The following NCAPG2 variants were observed in gnomAD, a reference collection of about 807,000 sequenced individuals.
The protein encoded by NCAPG2 is condensin-2 complex subunit G2.
NCAPG2 carries 53 observed loss-of-function variants against 141.1 expected under a neutral mutation model. The observed-to-expected ratio is 0.38, with a 90% confidence interval of 0.30 to 0.47. NCAPG2 has a LOEUF of 0.47. Among genes scored for constraint, NCAPG2 ranks in the 20% least tolerant of loss-of-function variants. The probability of loss-of-function intolerance (pLI) is 0.99; values close to 1 mark genes in which losing one functional copy is unlikely to be tolerated. For synonymous variants in NCAPG2, 499 were observed against 490.7 expected (o/e 1.02, Z -0.22); for missense variants, 1,087 against 1,389.0 (o/e 0.78, Z 3.46).
At chr7:158,664,162 G>C (rs374166218) in intron 15 of NCAPG2, 22 bp downstream of exon 15, 1 of 1,547,298 alleles carries the variant, frequency 6.5e-7, no homozygotes. Context: ...CTATCTGCCC[G>C]GCCTGGCCCT....
At chr7:158,637,276 G>A (rs1830286644) in intron 27 of NCAPG2, among the ~76,000 whole-genome samples, 2 of 152,124 alleles carry the variant, frequency 1.3e-5, no homozygotes, top group African/African-American at 4.8e-5. Context: ...CTAGCATAGT[G>A]GACACTCAAT....
chr7:158,653,180 G>T (rs1831611560), intron 22 of NCAPG2, among the ~76,000 whole-genome samples: 1 of 151,924 alleles, frequency 6.6e-6, no homozygotes, highest in Admixed American at 6.6e-5. Flanking sequence ...GGCCAAGACA[G>T]TGAAACCTCA....
intron 12 of NCAPG2, among the ~76,000 whole-genome samples, chr7:158,673,879 A>C (rs1336350639): frequency 1.3e-5 from 2 of 152,238 alleles, no homozygotes; most frequent in Non-Finnish European, 2.9e-5. Context: ...CCAGAGGGAC[A>C]AGGGAATGGT....
chr7:158,663,497 G>A (rs1832693092), intron 15 of NCAPG2, among the ~76,000 whole-genome samples: 1 of 152,194 alleles, frequency 6.6e-6, no homozygotes, highest in Non-Finnish European at 1.5e-5. Context: ...AGCACCATGG[G>A]GCATGAGCAG....
chr7:158,640,527 T>C (rs1264891838), intron 27 of NCAPG2: 2 of 152,178 alleles, frequency 1.3e-5, no homozygotes, highest in Admixed American at 1.3e-4. Flanking sequence ...AGCAAGACTC[T>C]GTCTCAAAAA....
chr7:158,638,420 T>C (rs533118006), intron 27 of NCAPG2, among the ~76,000 whole-genome samples: 1 of 152,174 alleles, frequency 6.6e-6, no homozygotes, highest in African/African-American at 2.4e-5. Context: ...TTGTATTTTT[T>C]GTAGAGATGA....
chr7:158,690,003 CAT>C (rs1835023012), intron 5 of NCAPG2, 50 bp from the exon 6 acceptor site: 1 of 1,365,012 alleles, frequency 7.3e-7, no homozygotes, highest in African/African-American at 1.5e-5. Flanking sequence ...ACAGTAAAGT[CAT>C]ATTTCAAATC....
intron 13 of NCAPG2, among the ~76,000 whole-genome samples, chr7:158,667,871 C>CG (rs1276282236): frequency 3.1e-4 from 6 of 19,278 alleles, no homozygotes; most frequent in Non-Finnish European, 2.2e-4. Context: ...CTCCGCCCTC[C>CG]TTACCCACTA....
chr7:158,644,444 A>G (rs1830856478), intron 26 of NCAPG2, 56 bp from the exon 27 acceptor site: 1 of 1,438,612 alleles, frequency 7.0e-7, no homozygotes, highest in African/African-American at 1.4e-5. Flanking sequence ...CACAAAGACA[A>G]ACACTCTGGT....
chr7:158,674,664 C>T lies in NCAPG2; in HGVS notation c.1326+813G>A, dbSNP rs567284813. On this transcript the variant is annotated intron_variant, in intron 12 of 27. Transcript: ENST00000356309. The stretch of plus-strand genomic sequence containing the variant: ...GGGGAGGAAGATCCACAGAAGCTCC[C>T]ACTAGGGCATGGCCGTGAGGCCCAA... Among the ~76,000 whole-genome samples the T allele has an allele frequency of 2.2e-3, 332 of 152,338 alleles. 4 individuals carry two copies. Among genetic ancestry groups the T allele is most frequent in the Non-Finnish European group, 5.3e-4 (36 of 68,038 alleles).
chr7:158,701,891 T>C lies in NCAPG2; in HGVS notation c.9A>G (p.Lys3=). The change falls in exon 2 of 28, where the codon AAA becomes AAG. Residue 3 remains lysine, a synonymous_variant. Coordinates refer to ENST00000356309, the MANE Select transcript of NCAPG2 (RefSeq NM_017760.7). ...ACACGGCTTGTACAAACGTCTCACG[T>C]TTTTCCATGACAGATGGCACTGTTC... The part of the protein sequence containing the change: ME[K]RETFVQAVSK... 9 of 1,612,828 alleles carry C rather than the reference T, an allele frequency of 5.6e-6. No individual in the cohort carries two copies. The highest frequency in any genetic ancestry group is 6.8e-6 in the Non-Finnish European group (8 of 1,179,600).
chr7:158,663,677 G>A (rs551755983), intron 15 of NCAPG2, among the ~76,000 whole-genome samples: 59 of 152,294 alleles, frequency 3.9e-4, no homozygotes, highest in Non-Finnish European at 7.2e-4. Context: ...TAATGTAGTG[G>A]GCATTGCAAA....
At chr7:158,676,886 C>T (rs902277794) in intron 11 of NCAPG2, among the ~76,000 whole-genome samples, 1 of 152,042 alleles carries the variant, frequency 6.6e-6, no homozygotes, top group Non-Finnish European at 1.5e-5. Flanking sequence ...TGAGAAATTT[C>T]TGTAAGAGAG....
At chr7:158,670,831 G>A (rs980535078) in intron 13 of NCAPG2, among the ~76,000 whole-genome samples, 6 of 152,062 alleles carry the variant, frequency 3.9e-5, no homozygotes, top group South Asian at 2.1e-4. Context: ...ACACTCTGGC[G>A]TTATCAGTCT....
intron 27 of NCAPG2, 123 bp downstream of exon 27, chr7:158,644,166 T>TA: frequency 1.4e-6 from 1 of 716,396 alleles, no homozygotes; most frequent in South Asian, 2.0e-5. Flanking sequence ...TTTCTCTCCT[T>TA]AGAGTCCCCA....
At position 158,633,170 on chromosome 7, in the gene NCAPG2, T is replaced by C. The variant is rs1290689871; in HGVS notation, c.3381-1453A>G. Among the ~76,000 whole-genome samples the C allele has an allele frequency of 2.0e-5, 3 of 152,206 alleles. No individual in the cohort carries two copies. Among genetic ancestry groups the C allele is most frequent in the African/African-American group, 4.8e-5 (2 of 41,448 alleles). On this transcript the variant is annotated intron_variant, in intron 27 of 27. Transcript: ENST00000356309. This position sits in a 1 kb window ranked among gnomAD's most constrained non-coding sequence, Gnocchi z 4.1. ...TTCCTATCGTTGTTGAATCACTGCT[T>C]CTCCTTGCTGTTAGGTCTCTCGGGC... is the stretch of plus-strand genomic sequence containing the variant.
At chr7:158,650,993 C>A in intron 23 of NCAPG2, 21 bp from the exon 24 acceptor site, 1 of 1,549,954 alleles carries the variant, frequency 6.5e-7, no homozygotes, top group South Asian at 1.2e-5. Context: ...ACACATACGT[C>A]ACTTTTAATG....
chr7:158,637,160 G>A (rs1214914215), intron 27 of NCAPG2, among the ~76,000 whole-genome samples: 3 of 152,104 alleles, frequency 2.0e-5, no homozygotes, highest in Non-Finnish European at 4.4e-5. Context: ...TGTTAGCCAG[G>A]ATGGTCTCGA....
Position 158,655,270 on chromosome 7 carries a change from C to G in NCAPG2, c.2506-12G>C, listed in dbSNP as rs560454731. On this transcript the variant is annotated splice_polypyrimidine_tract_variant and intron_variant, in intron 20 of 27. Transcript: ENST00000356309. ...CCTTCTGAGCAGAACTGTCCAAAAA[C>G]AAGAAGATAAATCAGTAACAAAAAG... 1.2e-6 allele frequency: 2 copies of G among 1,613,678 alleles called. No individual in the cohort carries two copies. The highest frequency in any genetic ancestry group is 2.2e-5 in the South Asian group (2 of 91,032).
Sources: gnomAD v4.1 joint callset for allele counts (sites outside exome capture counted in the v4.1 genomes callset) on GRCh38, gnomAD v4.1.1 for gene constraint, Gnocchi (gnomAD v3.1) non-coding constraint, MANE v1.5 for transcripts, NCBI Gene and HGNC (gene_info 2026-07-23, HGNC 2026-07-21) for gene names.